Variants in FAM135B observed in about 807,000 individuals in gnomAD.
The protein encoded by FAM135B is protein FAM135B.
FAM135B carries 43 observed loss-of-function variants against 127.7 expected under a neutral mutation model. That is an observed-to-expected ratio of 0.34 (90% CI 0.26 to 0.43). The LOEUF (loss-of-function observed/expected upper bound fraction) is 0.43, where lower values mean the gene tolerates loss of function less well. FAM135B is among the 20% of genes least tolerant of loss of function. FAM135B has a pLI of 1.00. For missense variants in FAM135B, 1,558 were observed against 1,725.6 expected, an observed-to-expected ratio of 0.90 and a Z score of 1.72; for synonymous variants, 670 against 665.1, an observed-to-expected ratio of 1.01 and a Z score of -0.11.
At chr8:138,417,028 G>A (rs1256123320) in intron 1 of FAM135B, among the ~76,000 whole-genome samples, 1 of 152,210 alleles carries the variant, frequency 6.6e-6, no homozygotes, top group Admixed American at 6.5e-5. Context: ...TGCCCAGAGA[G>A]ATGGCAGAGA....
Position 138,397,827 on chromosome 8 carries a change from C to T in FAM135B, c.-19-29825G>A, listed in dbSNP as rs145143550. 1.3e-4 allele frequency among the ~76,000 whole-genome samples: 20 copies of T among 152,248 alleles called. No individual in the cohort carries two copies. In the East Asian group the frequency reaches 3.7e-3, roughly 28 times the overall value. On this transcript the variant is annotated intron_variant, in intron 1 of 19. Coordinates refer to ENST00000395297, the MANE Select transcript of FAM135B (RefSeq NM_015912.4). ...GTTCGGGTCCTCCAGCCTTGGAGAA[C>T]AAGGTGTCGCCATCCCTTCCTTGCC...
intron 2 of FAM135B, among the ~76,000 whole-genome samples, chr8:138,355,961 C>A (rs1830065339): frequency 6.6e-6 from 1 of 152,128 alleles, no homozygotes; most frequent in South Asian, 2.1e-4. Flanking sequence ...AGGGCTTTGT[C>A]CTCATGAGTG....
intron 1 of FAM135B, among the ~76,000 whole-genome samples, chr8:138,489,198 C>T (rs1815108515): frequency 6.6e-6 from 1 of 152,210 alleles, no homozygotes; most frequent in African/African-American, 2.4e-5. Context: ...AAACTCCACG[C>T]ATTCAAAACA....
chr8:138,467,370 A>T (rs547158541), intron 1 of FAM135B, among the ~76,000 whole-genome samples: 1 of 152,372 alleles, frequency 6.6e-6, no homozygotes, highest in Admixed American at 6.5e-5. Flanking sequence ...GTCACTAGCC[A>T]CATGTGGTTA....
intron 1 of FAM135B, chr8:138,438,971 G>T (rs1391905140): frequency 1.3e-5 from 2 of 152,180 alleles, no homozygotes; most frequent in African/African-American, 4.8e-5. Context: ...AGTGACAGAT[G>T]TGGCTTCTGT....
intron 9 of FAM135B, among the ~76,000 whole-genome samples, chr8:138,181,969 C>G (rs949653809): frequency 1.3e-5 from 2 of 152,100 alleles, no homozygotes; most frequent in Non-Finnish European, 2.9e-5. Flanking sequence ...GAGTGAGGGT[C>G]AGTGACTCTT....
At chr8:138,456,149 C>T (rs999505787) in intron 1 of FAM135B, among the ~76,000 whole-genome samples, 21 of 152,316 alleles carry the variant, frequency 1.4e-4, no homozygotes, top group African/African-American at 5.1e-4. Flanking sequence ...CAGGTCTCCC[C>T]TGTTATGGTT....
intron 7 of FAM135B, among the ~76,000 whole-genome samples, chr8:138,229,171 GA>G (rs1339609652): frequency 6.6e-6 from 1 of 152,102 alleles, no homozygotes; most frequent in Non-Finnish European, 1.5e-5. Context: ...GGAGTTTTAT[GA>G]GGTTTACACC....
At chr8:138,281,707 C>T (rs1002547775) in intron 3 of FAM135B, among the ~76,000 whole-genome samples, 3 of 152,092 alleles carry the variant, frequency 2.0e-5, no homozygotes, top group African/African-American at 7.2e-5. Context: ...ATTGGCATGC[C>T]TTTCCCCACT....
chr8:138,235,774 G>A (rs1420822796), intron 7 of FAM135B, among the ~76,000 whole-genome samples: 1 of 152,164 alleles, frequency 6.6e-6, no homozygotes, highest in African/African-American at 2.4e-5. Flanking sequence ...TGTCCAGTGT[G>A]AGCATTACCC....
At chr8:138,238,947 T>C (rs1020770403) in intron 7 of FAM135B, among the ~76,000 whole-genome samples, 12 of 152,206 alleles carry the variant, frequency 7.9e-5, no homozygotes, top group African/African-American at 2.9e-4. Context: ...AGCTAAGCAC[T>C]CACAAATAAA....
intron 3 of FAM135B, among the ~76,000 whole-genome samples, chr8:138,285,448 T>C (rs1824603390): frequency 6.6e-6 from 1 of 152,114 alleles, no homozygotes; most frequent in African/African-American, 2.4e-5. Flanking sequence ...CGCCTGGCCT[T>C]GGCTCTACTG....
chr8:138,295,849 T>C (rs1825442292), intron 3 of FAM135B, among the ~76,000 whole-genome samples: 1 of 152,032 alleles, frequency 6.6e-6, no homozygotes, highest in African/African-American at 2.4e-5. Flanking sequence ...GAGTGGAAAA[T>C]TGAGCTGCAG....
At chr8:138,449,325 C>T (rs541132416) in intron 1 of FAM135B, among the ~76,000 whole-genome samples, 24 of 152,114 alleles carry the variant, frequency 1.6e-4, no homozygotes, top group African/African-American at 5.8e-4. Flanking sequence ...GAGGCTGGCC[C>T]GGATTACAGC....
chr8:138,322,812 C>T (rs1442231069), intron 2 of FAM135B, among the ~76,000 whole-genome samples: 1 of 152,158 alleles, frequency 6.6e-6, no homozygotes, highest in Admixed American at 6.5e-5. Context: ...GAATCCCAGC[C>T]TCACATAGCT....
intron 3 of FAM135B, among the ~76,000 whole-genome samples, chr8:138,269,313 G>A (rs113018182): frequency 0.012 from 1,891 of 152,300 alleles, 15 homozygotes; most frequent in Non-Finnish European, 0.016. Flanking sequence ...CTTCTGACAG[G>A]GACTCTATGC....
rs372342419 is a variant in FAM135B, at chr8:138,178,680, T to G, written c.884A>C (p.Asn295Thr). Residue 295 changes from asparagine to threonine, a missense_variant, in exon 10 of 20, where the codon AAT becomes ACT. Asn to Thr is a moderately conservative substitution (Grantham distance 65). Transcript: ENST00000395297. ...TATCTGCTCAGCGATCTTCTCTGGA[T>G]TGTTCAACATCTGGAGAGGCAAAAA... Reference protein sequence around the residue: ...QLCSELQMLNNPEKIAEQISK... With the variant: ...QLCSELQMLNTPEKIAEQISK... 3 of 1,610,100 alleles carry G rather than the reference T, an allele frequency of 1.9e-6. No homozygotes were observed. In the African/African-American group the frequency reaches 4.0e-5, roughly 22 times the overall value.
intron 11 of FAM135B, among the ~76,000 whole-genome samples, chr8:138,170,992 A>G (rs1245609250): frequency 6.6e-6 from 1 of 152,130 alleles, no homozygotes; most frequent in Non-Finnish European, 1.5e-5. Context: ...GGGACTCTCA[A>G]CAACACCCTC....
At chr8:138,201,947 G>A (rs1817158535) in intron 7 of FAM135B, among the ~76,000 whole-genome samples, 1 of 151,994 alleles carries the variant, frequency 6.6e-6, no homozygotes, top group Non-Finnish European at 1.5e-5. Context: ...CCAACATGGA[G>A]AAACTCCCTC....
Sources: gnomAD v4.1 joint callset for allele counts (sites outside exome capture counted in the v4.1 genomes callset) on GRCh38, gnomAD v4.1.1 for gene constraint, MANE v1.5 for transcripts, NCBI Gene and HGNC (gene_info 2026-07-23, HGNC 2026-07-21) for gene names.